Variants in TMEM182 observed in about 807,000 individuals in gnomAD.
TMEM182 encodes the protein transmembrane protein 182.
A neutral mutation model predicts 26.8 loss-of-function variants in TMEM182; 20 were observed. The ratio of observed to expected loss-of-function variants is 0.75; its 90% confidence interval spans 0.53 to 1.09. The LOEUF (loss-of-function observed/expected upper bound fraction) is 1.09, where lower values mean the gene tolerates loss of function less well. Ranked by LOEUF, TMEM182 falls within the 50% of genes least tolerant of loss-of-function variation. The probability of loss-of-function intolerance (pLI) is 0.00; values close to 1 mark genes in which losing one functional copy is unlikely to be tolerated. For synonymous variants in TMEM182, 109 were observed against 102.2 expected (o/e 1.07, Z -0.40); for missense variants, 277 against 275.5 (o/e 1.01, Z -0.04).
intron 3 of TMEM182, among the ~76,000 whole-genome samples, chr2:102,827,761 A>G (rs374109946): frequency 6.6e-6 from 1 of 152,230 alleles, no homozygotes; most frequent in Non-Finnish European, 1.5e-5. Context: ...CGAGAAAAAC[A>G]AACAAGCAGC....
chr2:102,830,490 A>G (rs1683130273), intron 3 of TMEM182, among the ~76,000 whole-genome samples: 1 of 152,084 alleles, frequency 6.6e-6, no homozygotes, highest in African/African-American at 2.4e-5. Context: ...TGAAAAACTG[A>G]ATTCCAAGTG....
In TMEM182 at chr2:102,841,042, G is replaced by A. The variant is rs559632196; in HGVS notation, c.326-2370G>A. ...TTTCAGTGTTACTTTGTTCCTAAGT[G>A]CAGGATCACAGAGATCCATGGGGAA... On this transcript the variant is annotated intron_variant, in intron 3 of 3. Coordinates refer to the TMEM182 transcript ENST00000486293. 9.2e-5 allele frequency among the ~76,000 whole-genome samples: 14 copies of A among 152,198 alleles called. 1 individual carries two copies. Among genetic ancestry groups the A allele is most frequent in the African/African-American group, 3.4e-4 (14 of 41,524 alleles).
At chr2:102,839,063 G>A (rs1259688876) in intron 3 of TMEM182, among the ~76,000 whole-genome samples, 1 of 152,134 alleles carries the variant, frequency 6.6e-6, no homozygotes, top group African/African-American at 2.4e-5. Flanking sequence ...CTGATAAAGA[G>A]GTTCTCAATT....
intron 1 of TMEM182, among the ~76,000 whole-genome samples, chr2:102,753,201 C>G (rs560688289): frequency 6.1e-5 from 5 of 81,670 alleles, no homozygotes; most frequent in South Asian, 7.9e-4. Flanking sequence ...GCTTCCCCCC[C>G]CCACTGCCTT....
In TMEM182 at chr2:102,815,772, A is replaced by G. The variant is rs1213674188; in HGVS notation, c.*804A>G. The stretch of plus-strand genomic sequence containing the variant: ...GCATTTCCGCTTGGTCCATAATTCT[A>G]TTTGATATTTTAAAATTCTCATTTA... On this transcript the variant is annotated 3_prime_UTR_variant, in exon 5 of 5. Coordinates refer to ENST00000412401, the MANE Select transcript of TMEM182 (RefSeq NM_144632.5). 9 of 930,056 alleles carry G rather than the reference A, an allele frequency of 9.7e-6. No individual in the cohort carries two copies. The highest frequency in any genetic ancestry group is 1.8e-5 in the African/African-American group (1 of 55,980). 57.6% of individuals were successfully genotyped at this position (930,056 alleles called of 1,614,324 possible).
chr2:102,818,033 T>A (rs1415772239), downstream of TMEM182, among the ~76,000 whole-genome samples: 5 of 152,304 alleles, frequency 3.3e-5, no homozygotes, highest in African/African-American at 1.2e-4. Context: ...TAGGCAGATA[T>A]TGGATACCAG....
intron 1 of TMEM182, among the ~76,000 whole-genome samples, chr2:102,751,583 T>C (rs186078955): frequency 1.2e-4 from 19 of 152,294 alleles, no homozygotes; most frequent in Non-Finnish European, 2.6e-4. Flanking sequence ...GAAAATGATT[T>C]TGGGGCTGCT....
chr2:102,801,260 C>T (rs1682117881), intron 4 of TMEM182, among the ~76,000 whole-genome samples: 1 of 152,034 alleles, frequency 6.6e-6, no homozygotes, highest in Non-Finnish European at 1.5e-5. Context: ...TCAGGAGGAC[C>T]AGAGAGACCT....
At chr2:102,797,622 T>G (rs1044647903) in intron 3 of TMEM182, 3 of 432,160 alleles carry the variant, frequency 6.9e-6, no homozygotes, top group Non-Finnish European at 1.2e-5. Context: ...ATTAAGCATG[T>G]GTGTGGTACA....
intron 1 of TMEM182, among the ~76,000 whole-genome samples, chr2:102,753,147 T>C (rs1261730763): frequency 1.3e-5 from 2 of 152,192 alleles, no homozygotes; most frequent in African/African-American, 4.8e-5. Context: ...TTTTACTGTG[T>C]GCTTATTGCA....
At chr2:102,818,577 T>G (rs1451975079), downstream of TMEM182, among the ~76,000 whole-genome samples, 1 of 152,050 alleles carries the variant, frequency 6.6e-6, no homozygotes, top group African/African-American at 2.4e-5. Context: ...GGAACGACAA[T>G]GGAGATGCCC....
Position 102,811,018 on chromosome 2 carries a change from G to A in TMEM182, c.470-3730G>A, listed in dbSNP as rs1312542383. 5.0e-5 allele frequency among the ~76,000 whole-genome samples: 6 copies of A among 120,158 alleles called. No homozygotes were observed. The East Asian group carries it at 8.0e-4, about 16-fold the overall frequency. The allele number at this position is 120,158 out of a possible 152,430, so 78.8% of individuals were successfully genotyped here. On this transcript the variant is annotated intron_variant, in intron 4 of 4. Transcript: ENST00000412401. ...GTAAATCCTTTTACCTAAAGACTCC[G>A]TTCAAGTTTTTCTAACTATTCCATT...
chr2:102,842,512 C>T (rs984932907), intron 3 of TMEM182, among the ~76,000 whole-genome samples: 5 of 152,108 alleles, frequency 3.3e-5, no homozygotes, highest in Non-Finnish European at 5.9e-5. Flanking sequence ...CAGGGCTCCA[C>T]CTAGATCCAC....
chr2:102,816,884 C>T lies in TMEM182; in HGVS notation c.*1916C>T, dbSNP rs111739828. 9.1e-6 allele frequency: 9 copies of T among 985,600 alleles called. No individual in the cohort carries two copies. The highest frequency in any genetic ancestry group is 8.7e-5 in the African/African-American group (5 of 57,184). 61.1% of individuals were successfully genotyped at this position (985,600 alleles called of 1,614,324 possible). A position where few individuals can be genotyped will look rare whatever the true frequency, so the allele number is the denominator to read the frequency against. On this transcript the variant is annotated 3_prime_UTR_variant, in exon 5 of 5. Transcript: ENST00000412401. ...TTAAGTTTCACATACAAGCTGCTTTCGGCAAAGGCTTGAATATTTATAAAT... is the reference window on the plus strand; with the variant it reads ...TTAAGTTTCACATACAAGCTGCTTTTGGCAAAGGCTTGAATATTTATAAAT...
chr2:102,784,384 T>C (rs1306988708), intron 3 of TMEM182, among the ~76,000 whole-genome samples: 2 of 152,022 alleles, frequency 1.3e-5, no homozygotes, highest in African/African-American at 4.8e-5. Context: ...TTTTTCTTAC[T>C]GAAAACACTC....
intron 3 of TMEM182, among the ~76,000 whole-genome samples, chr2:102,773,285 A>G (rs896898883): frequency 6.6e-6 from 1 of 151,956 alleles, no homozygotes; most frequent in Non-Finnish European, 1.5e-5. Context: ...AGCTTGGCCG[A>G]TTACACAGTA....
At chr2:102,763,938 A>C (rs1243360100) in intron 2 of TMEM182, among the ~76,000 whole-genome samples, 2 of 152,224 alleles carry the variant, frequency 1.3e-5, no homozygotes, top group Non-Finnish European at 2.9e-5. Context: ...TGAACTAATC[A>C]AGGTTAAACT....
upstream of TMEM182, among the ~76,000 whole-genome samples, chr2:102,757,814 A>T (rs72828082): frequency 2.0e-5 from 3 of 152,076 alleles, no homozygotes; most frequent in Middle Eastern, 3.2e-3. Context: ...CATGACTGGG[A>T]AGCCTCAGGA....
chr2:102,803,102 A>G (rs2104738969), intron 4 of TMEM182, among the ~76,000 whole-genome samples: 1 of 152,314 alleles, frequency 6.6e-6, no homozygotes, highest in East Asian at 1.9e-4. Flanking sequence ...TCATGGAAGC[A>G]AAGGGTATCT....
Sources: allele counts gnomAD v4.1 joint callset (sites outside exome capture counted in the v4.1 genomes callset), GRCh38; gene constraint gnomAD v4.1.1; transcripts MANE v1.5; gene names NCBI Gene and HGNC (gene_info 2026-07-23, HGNC 2026-07-21).